CHRND: variants seen among roughly 807,000 people sequenced by gnomAD.
The protein encoded by CHRND is cholinergic receptor nicotinic delta subunit, also known as acetylcholine receptor subunit delta.
A neutral mutation model predicts 57.8 loss-of-function variants in CHRND; 40 were observed. That is an observed-to-expected ratio of 0.69 (90% confidence interval 0.54 to 0.90). The LOEUF (loss-of-function observed/expected upper bound fraction) is 0.90. Among genes scored for constraint, CHRND ranks in the 40% least tolerant of loss-of-function variants. CHRND has a pLI of 0.00. For missense variants in CHRND, 634 were observed against 673.9 expected (o/e 0.94, Z 0.66); for synonymous variants, 237 against 270.6 (o/e 0.88, Z 1.22).
chr2:232,527,977 T>G (rs1003224725), intron 3 of CHRND, among the ~76,000 whole-genome samples: 5 of 152,212 alleles, frequency 3.3e-5, no homozygotes, highest in African/African-American at 1.2e-4. Context: ...ATTGCCACTT[T>G]ATCTTGATGT....
Position 232,526,657 on chromosome 2 carries a change from T to C in CHRND, c.181T>C (p.Ser61Pro). 6.2e-7 allele frequency: 1 copy of C among 1,613,246 alleles called. No homozygotes were observed. Among genetic ancestry groups the C allele is most frequent in the Non-Finnish European group, 8.5e-7 (1 of 1,179,866 alleles). Residue 61 changes from serine (S) to proline (P), a missense_variant, in exon 2 of 12, where the codon TCC (serine) becomes CCC (proline). Coordinates refer to ENST00000258385, the MANE Select transcript of CHRND (RefSeq NM_000751.3). ...GGACGTTGCCCTGGCCCTCACACTC[T>C]CCAACCTCATCTCCCTGGTGAGAGG... ...SVDVALALTL[S>P]NLISLKEVEE... is the part of the protein sequence containing the mutation.
In CHRND at chr2:232,535,774, G is replaced by C; in HGVS notation, c.*462G>C. The C allele has an allele frequency of 2.2e-6, 1 of 455,500 alleles. No homozygotes were observed. The highest frequency in any genetic ancestry group is 1.6e-5 in the South Asian group (1 of 64,486). The allele number at this position is 455,500 out of a possible 1,614,324, so 28.2% of individuals were successfully genotyped here. A position where few individuals can be genotyped will look rare whatever the true frequency, so the allele number is the denominator to read the frequency against. On this transcript the variant is annotated 3_prime_UTR_variant, in exon 12 of 12. Coordinates refer to ENST00000258385, the MANE Select transcript of CHRND (RefSeq NM_000751.3). ...CTTCTGAGGCCTCACCTGGGACTGA[G>C]GTTGAGGACACCTCCCTCCCTCCAG... is the stretch of plus-strand genomic sequence containing the variant.
intron 3 of CHRND, 122 bp from the exon 4 acceptor site, chr2:232,528,140 C>A: frequency 1.1e-6 from 1 of 896,120 alleles, no homozygotes; most frequent in Non-Finnish European, 1.8e-6. Context: ...CTGTACCTGC[C>A]TTCCCCAAAC....
rs1186319609 is a variant in CHRND, at chr2:232,528,630, C to A, written c.483C>A (p.Asp161Glu). 1.2e-6 allele frequency: 2 copies of A among 1,614,178 alleles called. No homozygotes were observed. The highest frequency in any genetic ancestry group is 1.7e-6 in the Non-Finnish European group (2 of 1,180,044). Residue 161 changes from aspartate (D) to glutamate (E), a missense_variant, in exon 5 of 12, where the codon GAC becomes GAA. Coordinates refer to ENST00000258385, the MANE Select transcript of CHRND (RefSeq NM_000751.3). ...TCTCTGTCACCTATTTCCCCTTCGACTGGCAGAACTGCTCCCTCAAGTTCA... is the reference window on the plus strand; with the variant it reads ...TCTCTGTCACCTATTTCCCCTTCGAATGGCAGAACTGCTCCCTCAAGTTCA... ...CPISVTYFPF[D>E]WQNCSLKFSS...
At position 232,529,996 on chromosome 2, in the gene CHRND, C is replaced by G; in HGVS notation, c.677C>G (p.Ala226Gly). 4.3e-6 allele frequency: 7 copies of G among 1,614,162 alleles called. No homozygotes were observed. The highest frequency in any genetic ancestry group is 5.9e-6 in the Non-Finnish European group (7 of 1,180,024). ...RPARVNVDPR[A>G]PLDSPSRQDI... ...GCCAGGGTCAACGTGGACCCCAGAG[C>G]CCCTCTGGACAGCCCCAGCCGCCAG... The change falls in exon 7 of 12, where the codon GCC (alanine) becomes GGC (glycine). Residue 226 changes from alanine to glycine, a missense_variant. Ala to Gly is a moderately conservative substitution (Grantham distance 60). Coordinates refer to ENST00000258385, the MANE Select transcript of CHRND (RefSeq NM_000751.3).
At position 232,535,257 on chromosome 2, in the gene CHRND, A is replaced by C. The variant is rs1401465435; in HGVS notation, c.1499A>C (p.Gln500Pro). The C allele has an allele frequency of 6.2e-7, 1 of 1,614,182 alleles. No homozygotes were observed. The highest frequency in any genetic ancestry group is 8.5e-7 in the Non-Finnish European group (1 of 1,180,040). ...GGCGTTTACAACCAGCCACCACCCC[A>C]GCCTTTTCCTGGGGACCCCTACTCC... The part of the protein sequence containing the change: ...LQGVYNQPPP[Q>P]PFPGDPYSYN... Residue 500 changes from glutamine to proline, a missense_variant, in exon 12 of 12, where the codon CAG becomes CCG. Gln to Pro is a moderately conservative substitution (Grantham distance 76, BLOSUM62 -1). Transcript: ENST00000258385.
chr2:232,531,094 A>G (rs1287126267), intron 7 of CHRND, among the ~76,000 whole-genome samples: 1 of 152,156 alleles, frequency 6.6e-6, no homozygotes, highest in African/African-American at 2.4e-5. Context: ...ACACTCTGTC[A>G]CCACATTTAA....
intron 9 of CHRND, among the ~76,000 whole-genome samples, 156 bp downstream of exon 9, chr2:232,531,812 G>A (rs1025642253): frequency 2.6e-5 from 4 of 151,808 alleles, no homozygotes; most frequent in Non-Finnish European, 5.9e-5. Context: ...TTAGCCAAGT[G>A]TGGTGGCGCA....
At position 232,535,482 on chromosome 2, in the gene CHRND, CAG is replaced by C. The variant is rs773740870; in HGVS notation, c.*171_*172del. 16 of 841,792 alleles carry C rather than the reference CAG, an allele frequency of 1.9e-5. No homozygotes were observed. Among genetic ancestry groups the C allele is most frequent in the Non-Finnish European group, 3.1e-5 (16 of 515,258 alleles). The allele number at this position is 841,792 out of a possible 1,614,324, so 52.1% of individuals were successfully genotyped here. ...CTCAATGGCTCCCCTGAAATCAAGA[CAG>C]GGGCCACCCGAGATGGTCTGAGGGT... On this transcript the variant is annotated 3_prime_UTR_variant, in exon 12 of 12. Transcript: ENST00000258385.
chr2:232,529,029 G>A, intron 6 of CHRND, 58 bp downstream of exon 6: 1 of 1,240,894 alleles, frequency 8.1e-7, no homozygotes, highest in Admixed American at 1.7e-5. Context: ...CAGACACACT[G>A]GCCCTGTCCA....
Position 232,527,372 on chromosome 2 carries a change from T to C in CHRND, c.199-29T>C, listed in dbSNP as rs745805607. 7 of 1,582,410 alleles carry C rather than the reference T, an allele frequency of 4.4e-6. No individual in the cohort carries two copies. In the South Asian group the frequency reaches 7.7e-5, roughly 18 times the overall value. ...TGCGGATAAAAGAATGATATGGCCC[T>C]GAAGGATGGCCCTACCGTCTAATTA... On this transcript the variant is annotated intron_variant, in intron 2 of 11. Transcript: ENST00000258385.
At chr2:232,533,619 C>T (rs948718702) in intron 9 of CHRND, among the ~76,000 whole-genome samples, 1 of 152,196 alleles carries the variant, frequency 6.6e-6, no homozygotes, top group Non-Finnish European at 1.5e-5. Context: ...CGGTGCCTCG[C>T]CCGTAATCCC....
Position 232,527,442 on chromosome 2 carries a change from G to T in CHRND, c.240G>T (p.Glu80Asp), listed in dbSNP as rs1364777554. The T allele has an allele frequency of 3.1e-6, 5 of 1,612,828 alleles. No individual in the cohort carries two copies. Among genetic ancestry groups the T allele is most frequent in the Non-Finnish European group, 4.2e-6 (5 of 1,179,162 alleles). Residue 80 changes from glutamate (E) to aspartate (D), a missense_variant, in exon 3 of 12, where the codon GAG becomes GAT. Transcript: ENST00000258385. ...CCCTCACTACCAATGTGTGGATAGA[G>T]CACGTAAGAATGCCCCTCCCAGCCG... Reference protein sequence around the residue: ...EETLTTNVWIEHGWTDNRLKW... With the variant: ...EETLTTNVWIDHGWTDNRLKW...
chr2:232,526,235 C>T lies in CHRND; in HGVS notation c.20C>T (p.Thr7Ile). MEGPVL[T>I]LGLLAALAVC... ...GATGGGATGGAGGGGCCAGTGCTGA[C>T]ACTGGGGCTGCTGGCTGCCCTGGCG... Residue 7 changes from threonine to isoleucine, a missense_variant, in exon 1 of 12, where the codon ACA (threonine) becomes ATA (isoleucine). Thr to Ile is a moderately conservative substitution (Grantham distance 89). Transcript: ENST00000258385. 1.2e-6 allele frequency: 2 copies of T among 1,613,374 alleles called. No individual in the cohort carries two copies.
At chr2:232,528,745 C>T (rs1691576372) in intron 5 of CHRND, 89 bp downstream of exon 5, 1 of 1,589,632 alleles carries the variant, frequency 6.3e-7, no homozygotes, top group East Asian at 2.2e-5. Flanking sequence ...ACAGAGGCCC[C>T]TGCCCTGTCT....
Position 232,526,214 on chromosome 2 carries a change from G to GGATGT in CHRND, c.3_4insTGATG. The GGATGT allele has an allele frequency of 6.2e-7, 1 of 1,612,826 alleles. No homozygotes were observed. The highest frequency in any genetic ancestry group is 1.1e-5 in the South Asian group (1 of 90,992). On this transcript the variant is annotated 5_prime_UTR_variant, in exon 1 of 12. In the 5' UTR this introduces an upstream ATG that the reference lacks. Transcript: ENST00000258385. ...GATGCACGTCCCAGTCAGAGGGATGGGATGGAGGGGCCAGTGCTGACACTG... is the reference window on the plus strand; with the variant it reads ...GATGCACGTCCCAGTCAGAGGGATGGGATGTGATGGAGGGGCCAGTGCTGACACTG...
intron 9 of CHRND, among the ~76,000 whole-genome samples, chr2:232,532,974 T>C (rs1691761625): frequency 6.6e-6 from 1 of 152,238 alleles, no homozygotes; most frequent in Admixed American, 6.5e-5. Context: ...TCTCGGCTGC[T>C]GCAGGGCCGG....
In CHRND at chr2:232,528,302, T is replaced by C; in HGVS notation, c.284T>C (p.Phe95Ser). Residue 95 changes from phenylalanine (F) to serine (S), a missense_variant, in exon 4 of 12, where the codon TTT (phenylalanine) becomes TCT (serine). Phe to Ser is a radical substitution (Grantham distance 155). Transcript: ENST00000258385. Reference protein sequence around the residue: ...DNRLKWNAEEFGNISVLRLPP... With the variant: ...DNRLKWNAEESGNISVLRLPP... ...CGGCTGAAGTGGAATGCTGAAGAAT[T>C]TGGAAACATCAGTGTCCTGCGCCTC... 6.2e-7 allele frequency: 1 copy of C among 1,614,152 alleles called. No individual in the cohort carries two copies. The highest frequency in any genetic ancestry group is 8.5e-7 in the Non-Finnish European group (1 of 1,180,026).
At chr2:232,528,833 T>A in intron 5 of CHRND, 29 bp from the exon 6 acceptor site, 1 of 1,593,542 alleles carries the variant, frequency 6.3e-7, no homozygotes, top group Non-Finnish European at 8.6e-7. Context: ...ACTGGCCGAG[T>A]GTCACTCTCT....
Sources: allele counts gnomAD v4.1 joint callset (sites outside exome capture counted in the v4.1 genomes callset), GRCh38; gene constraint gnomAD v4.1.1; transcripts MANE v1.5; gene names NCBI Gene and HGNC (gene_info 2026-07-23, HGNC 2026-07-21).